ANK3: variants seen among roughly 807,000 people sequenced by gnomAD.
The protein encoded by ANK3 is ankyrin-3.
In ANK3, 57 loss-of-function variants were observed where a neutral mutation model predicts 370.9. That is an observed-to-expected ratio of 0.15 (90% CI 0.12 to 0.19). The LOEUF (loss-of-function observed/expected upper bound fraction) is 0.19, where lower values mean the gene tolerates loss of function less well. Among genes scored for constraint, ANK3 ranks in the 10% least tolerant of loss-of-function variants. The probability of loss-of-function intolerance (pLI) is 1.00; values close to 1 mark genes in which losing one functional copy is unlikely to be tolerated. For synonymous variants in ANK3, 1,929 were observed against 1,946.3 expected (o/e 0.99, Z 0.23); for missense variants, 4,439 against 5,302.1 (o/e 0.84, Z 5.06).
intron 2 of ANK3, among the ~76,000 whole-genome samples, chr10:60,552,218 A>G (rs1367181352): frequency 6.6e-6 from 1 of 152,212 alleles, no homozygotes; most frequent in African/African-American, 2.4e-5. Flanking sequence ...CATGATATTC[A>G]TATTCATTTC....
intron 1 of ANK3, among the ~76,000 whole-genome samples, chr10:60,680,826 G>C (rs1318123180): frequency 1.3e-5 from 2 of 152,024 alleles, no homozygotes; most frequent in Non-Finnish European, 2.9e-5. Flanking sequence ...CTGGCTATGT[G>C]GGGAGGTTGT....
At chr10:60,543,427 A>G (rs2076894905) in intron 2 of ANK3, among the ~76,000 whole-genome samples, 1 of 152,058 alleles carries the variant, frequency 6.6e-6, no homozygotes, top group Non-Finnish European at 1.5e-5. Flanking sequence ...GCAAATGGCT[A>G]AAGTATTTAA....
chr10:60,433,694 G>A (rs2064088928), intron 2 of ANK3, among the ~76,000 whole-genome samples: 1 of 152,168 alleles, frequency 6.6e-6, no homozygotes, highest in African/African-American at 2.4e-5. Flanking sequence ...GAAGGGAGCA[G>A]GAACCAGGAA....
At chr10:60,081,884 A>G in intron 35 of ANK3, 3 of 336,022 alleles carry the variant, frequency 8.9e-6, no homozygotes, top group Admixed American at 9.2e-5. Flanking sequence ...TATACATGCC[A>G]ATCTACCATA....
At chr10:60,548,977 T>C (rs1202665343) in intron 2 of ANK3, among the ~76,000 whole-genome samples, 1 of 152,178 alleles carries the variant, frequency 6.6e-6, no homozygotes, top group African/African-American at 2.4e-5. Flanking sequence ...AATGTGTAAC[T>C]GTTAAATTCC....
chr10:60,095,436 A>C (rs1184528219), intron 28 of ANK3, among the ~76,000 whole-genome samples: 3 of 152,250 alleles, frequency 2.0e-5, no homozygotes. Flanking sequence ...GCTGGAATGC[A>C]GTGGTATGAT....
intron 2 of ANK3, among the ~76,000 whole-genome samples, chr10:60,421,313 T>C (rs2063774141): frequency 6.6e-6 from 1 of 151,966 alleles, no homozygotes; most frequent in African/African-American, 2.4e-5. Flanking sequence ...TTAAAAATAG[T>C]TTAAATGGCA....
chr10:60,682,052 C>T lies in ANK3; in HGVS notation c.57+51211G>A, dbSNP rs556119998. ...GTCTTAGCTACTTAGGAGGCTGAGG[C>T]GAGAGGACTGCTTGAGCCCAGAAGT... On this transcript the variant is annotated intron_variant, in intron 1 of 43. Coordinates refer to the ANK3 transcript ENST00000373827. Among the ~76,000 whole-genome samples the T allele has an allele frequency of 4.6e-5, 7 of 152,128 alleles. No homozygotes were observed. In the East Asian group the frequency reaches 5.8e-4, roughly 13 times the overall value.
At chr10:60,343,744 T>TG (rs1566728171) in intron 1 of ANK3, among the ~76,000 whole-genome samples, 1 of 152,190 alleles carries the variant, frequency 6.6e-6, no homozygotes, top group Non-Finnish European at 1.5e-5. Context: ...AGAATACAGT[T>TG]GTGGGTGAAG....
At chr10:60,102,456 A>G (rs1387545613) in intron 28 of ANK3, among the ~76,000 whole-genome samples, 2 of 152,160 alleles carry the variant, frequency 1.3e-5, no homozygotes, top group African/African-American at 4.8e-5. Flanking sequence ...TCAGAGATTG[A>G]GTGCTTCATT....
chr10:60,425,929 A>G (rs914524291), intron 2 of ANK3, among the ~76,000 whole-genome samples: 1 of 152,116 alleles, frequency 6.6e-6, no homozygotes, highest in Middle Eastern at 3.2e-3. Flanking sequence ...TAGGTTCTCT[A>G]GGTCTCAGTT....
In ANK3 at chr10:60,055,894, G is replaced by C. The variant is rs780899852; in HGVS notation, c.12829C>G (p.Gln4277Glu). 2.4e-5 allele frequency: 39 copies of C among 1,614,036 alleles called. No individual in the cohort carries two copies. The highest frequency in any genetic ancestry group is 3.2e-5 in the Non-Finnish European group (38 of 1,180,030). The change falls in exon 42 of 44, where the codon CAG becomes GAG. Residue 4277 changes from glutamine to glutamate, a missense_variant. By Grantham distance (29) the Gln-to-Glu change is conservative. Around this residue, in one of 13 missense-constraint regions of ANK3, gnomAD observed 242 missense variants for 228.0 expected, o/e 1.06. Coordinates refer to ENST00000280772, the MANE Select transcript of ANK3 (RefSeq NM_020987.5). ...GGTTTCAGAGTTTCCTTGGTACTCT[G>C]TTTTCCTACATCATTTTGGGATTCT... ...FPESQNDVGK[Q>E]STKETLKPKI...
At chr10:60,141,575 T>TG (rs1565274882) in intron 23 of ANK3, among the ~76,000 whole-genome samples, 4 of 145,810 alleles carry the variant, frequency 2.7e-5, no homozygotes, top group South Asian at 2.2e-4. Flanking sequence ...TTTTTTTTTT[T>TG]TTTTTTTTTT....
intron 33 of ANK3, 70 bp downstream of exon 33, chr10:60,083,422 C>G: frequency 1.3e-6 from 2 of 1,483,650 alleles, no homozygotes; most frequent in South Asian, 2.5e-5. Flanking sequence ...ATCATTAAAA[C>G]CTTTTATTTT....
At chr10:60,420,057 T>C (rs2063746800) in intron 2 of ANK3, among the ~76,000 whole-genome samples, 1 of 152,096 alleles carries the variant, frequency 6.6e-6, no homozygotes, top group Admixed American at 6.6e-5. Flanking sequence ...TTTGACGCCA[T>C]TAAGCAAAAC....
intron 16 of ANK3, among the ~76,000 whole-genome samples, chr10:60,191,909 C>A (rs1485477733): frequency 1.3e-5 from 2 of 151,758 alleles, no homozygotes; most frequent in South Asian, 2.1e-4. Context: ...ACATTTTATT[C>A]TTTTTTATTA....
chr10:60,454,869 T>C (rs990582348), intron 2 of ANK3, among the ~76,000 whole-genome samples: 6 of 152,278 alleles, frequency 3.9e-5, no homozygotes, highest in African/African-American at 1.2e-4. Flanking sequence ...TGCAACTAAG[T>C]TCTCAAATAG....
At chr10:60,140,259 T>A in intron 23 of ANK3, 2 of 1,330,862 alleles carry the variant, frequency 1.5e-6, no homozygotes, top group Non-Finnish European at 2.2e-6. Context: ...ACCAAGAGAT[T>A]ATTTTAAGTA....
chr10:60,558,669 G>A (rs1390014608), intron 2 of ANK3, among the ~76,000 whole-genome samples: 1 of 152,114 alleles, frequency 6.6e-6, no homozygotes, highest in African/African-American at 2.4e-5. Context: ...TATCTAACAT[G>A]TATCATCAGA....
Sources: gnomAD v4.1 joint callset for allele counts (sites outside exome capture counted in the v4.1 genomes callset) on GRCh38, gnomAD v4.1.1 for gene constraint, gnomAD v4.1.1 regional missense constraint, MANE v1.5 for transcripts, NCBI Gene and HGNC (gene_info 2026-07-23, HGNC 2026-07-21) for gene names.